ELF4: variants seen among roughly 807,000 people sequenced by gnomAD.
ELF4 encodes the protein ETS-related transcription factor Elf-4.
In ELF4, 10 loss-of-function variants were observed where a neutral mutation model predicts 31.7. That is an observed-to-expected ratio of 0.32 (90% CI 0.19 to 0.54). The LOEUF is 0.54. Ranked by LOEUF, ELF4 falls within the 20% of genes least tolerant of loss-of-function variation. The pLI, the probability that ELF4 is intolerant of heterozygous loss-of-function variation, is 0.95. For synonymous variants in ELF4, 208 were observed against 226.7 expected (o/e 0.92, Z 0.74); for missense variants, 418 against 522.0 (o/e 0.80, Z 1.94).
chrX:130,065,952 C>G lies in ELF4; in HGVS notation c.*769G>C, dbSNP rs145905263. The G allele has an allele frequency of 6.3e-3, 1,098 of 173,531 alleles. 13 individuals are homozygous for G. The highest frequency in any genetic ancestry group is 0.03 in the African/African-American group (1,012 of 33,910). 14.3% of individuals were successfully genotyped at this position (173,531 alleles called of 1,213,427 possible). ...TCCAGGAAGAGTACCTTGGTCCAGC[C>G]AGTGAGGGCTGCTCCCAGAGCTGAC... is the stretch of plus-strand genomic sequence containing the variant. On this transcript the variant is annotated 3_prime_UTR_variant, in exon 9 of 9. Transcript: ENST00000308167.
chrX:130,087,116 C>T (rs1932973591), intron 1 of ELF4, among the ~76,000 whole-genome samples: 1 of 112,904 alleles, frequency 8.9e-6, no homozygotes. Context: ...CAAAAGAGCA[C>T]CCCCTGGAAG....
intron 1 of ELF4, among the ~76,000 whole-genome samples, chrX:130,094,459 C>A (rs1396834074): frequency 1.9e-5 from 2 of 107,712 alleles, no homozygotes; most frequent in African/African-American, 6.8e-5. Flanking sequence ...CCCAGCTACT[C>A]GGGAGGCTAA....
intron 1 of ELF4, among the ~76,000 whole-genome samples, chrX:130,102,957 AGGG>A (rs1460709547): frequency 6.4e-5 from 3 of 47,027 alleles, no homozygotes; most frequent in African/African-American, 4.1e-4. Context: ...GAAGGAAGGG[AGGG>A]AGGAAGGAAG....
At chrX:130,105,318 C>T (rs145302904) in intron 1 of ELF4, among the ~76,000 whole-genome samples, 104 of 111,961 alleles carry the variant, frequency 9.3e-4, no homozygotes, top group African/African-American at 3.1e-3. Flanking sequence ...CTTCCCTGCT[C>T]CCTGACCCTC....
intron 1 of ELF4, among the ~76,000 whole-genome samples, chrX:130,082,443 C>G (rs1005566343): frequency 4.5e-5 from 5 of 112,169 alleles, no homozygotes; most frequent in African/African-American, 1.6e-4. Flanking sequence ...ACCCTGGGAA[C>G]TGGTGAGGAG....
chrX:130,066,573 C>A lies in ELF4; in HGVS notation c.*148G>T. 1.6e-6 allele frequency: 1 copy of A among 610,268 alleles called. No individual in the cohort carries two copies. The highest frequency in any genetic ancestry group is 2.7e-6 in the Non-Finnish European group (1 of 375,437). 50.3% of individuals were successfully genotyped at this position (610,268 alleles called of 1,213,427 possible). A position where few individuals can be genotyped will look rare whatever the true frequency, so the allele number is the denominator to read the frequency against. ...GCTTAAGCTGGGCACTGTTTGGCCA[C>A]AGTGACACCAGGCAGGGCCGGGGGA... On this transcript the variant is annotated 3_prime_UTR_variant, in exon 9 of 9. Coordinates refer to ENST00000308167, the MANE Select transcript of ELF4 (RefSeq NM_001421.4).
intron 2 of ELF4, among the ~76,000 whole-genome samples, chrX:130,079,506 G>C (rs891505695): frequency 1.8e-5 from 2 of 111,537 alleles, no homozygotes; most frequent in African/African-American, 3.3e-5. Context: ...GGAAGTGATG[G>C]ATGGTTTGAG....
intron 1 of ELF4, among the ~76,000 whole-genome samples, chrX:130,083,832 C>T (rs3838193): frequency 2.9e-5 from 3 of 103,231 alleles, no homozygotes; most frequent in African/African-American, 1.1e-4. Context: ...GGATGGATGG[C>T]TGGATGGATG....
chrX:130,071,561 C>T (rs777240185), intron 5 of ELF4, 142 bp from the exon 6 acceptor site: 11 of 560,987 alleles, frequency 2.0e-5, no homozygotes, highest in African/African-American at 2.3e-5. Flanking sequence ...CAGCCACAGC[C>T]CTCAGGCCTT....
intron 8 of ELF4, among the ~76,000 whole-genome samples, chrX:130,067,793 C>T (rs1254093778): frequency 1.8e-5 from 2 of 110,470 alleles, no homozygotes; most frequent in Non-Finnish European, 3.8e-5. Context: ...AGGTGTGTGC[C>T]ACCACACCCA....
intron 1 of ELF4, among the ~76,000 whole-genome samples, chrX:130,093,343 G>A (rs1206694158): frequency 9.0e-6 from 1 of 111,082 alleles, no homozygotes; most frequent in Non-Finnish European, 1.9e-5. Flanking sequence ...AAGTGGATCC[G>A]TGTGGTTTAA....
intron 1 of ELF4, among the ~76,000 whole-genome samples, chrX:130,095,730 G>A (rs1344643250): frequency 8.9e-6 from 1 of 111,933 alleles, no homozygotes; most frequent in African/African-American, 3.3e-5. Context: ...TGTGGAGGCC[G>A]ACTCTTCCTA....
At chrX:130,094,077 CA>C (rs1037152357) in intron 1 of ELF4, among the ~76,000 whole-genome samples, 6 of 111,043 alleles carry the variant, frequency 5.4e-5, no homozygotes, top group Admixed American at 9.6e-5. Flanking sequence ...ACTAAAAATA[CA>C]AAAATTGGCC....
intron 1 of ELF4, among the ~76,000 whole-genome samples, chrX:130,094,452 A>G (rs1933114968): frequency 9.3e-6 from 1 of 107,508 alleles, no homozygotes; most frequent in African/African-American, 3.4e-5. Context: ...CTATAATCCC[A>G]GCTACTCGGG....
In ELF4 at chrX:130,072,317, C is replaced by T. The variant is rs369645851; in HGVS notation, c.441G>A (p.Ala147=). 54 of 1,211,033 alleles carry T rather than the reference C, an allele frequency of 4.5e-5. No individual in the cohort carries two copies. Among genetic ancestry groups the T allele is most frequent in the African/African-American group, 3.1e-4 (18 of 57,464 alleles). Residue 147 remains alanine, a synonymous_variant, in exon 5 of 9, where the codon GCG becomes GCA. Transcript: ENST00000308167. ...PASEPDALNR[A]GDTSDQEGHS... ...GCCCCTCCTGGTCACTAGTGTCACC[C>T]GCCCTGTTCAGGGCATCGGGCTCAG...
chrX:130,072,175 G>GC, intron 5 of ELF4, 51 bp downstream of exon 5: 141 of 598,113 alleles, frequency 2.4e-4, no homozygotes, highest in Non-Finnish European at 3.4e-4. Flanking sequence ...GCCCCCCCAC[G>GC]CCCCGCCCAT....
intron 1 of ELF4, among the ~76,000 whole-genome samples, chrX:130,092,418 A>G (rs768955036): frequency 8.9e-6 from 1 of 112,507 alleles, no homozygotes; most frequent in East Asian, 2.8e-4. Context: ...GGCTGAGGAG[A>G]CAGCTGTCTA....
chrX:130,102,874 GAGAGAGAGAGAGAAAGAAAGAAAGAA>G (rs1933292537), intron 1 of ELF4, among the ~76,000 whole-genome samples: 3 of 78,439 alleles, frequency 3.8e-5, no homozygotes, highest in African/African-American at 5.7e-5. Flanking sequence ...GAGAGAGAGA[GAGAGAGAGAGAGAAAGAAAGAAAGAA>G]AGAAAGAAAG....
chrX:130,090,569 C>G (rs994878666), intron 1 of ELF4, among the ~76,000 whole-genome samples: 2 of 110,834 alleles, frequency 1.8e-5, no homozygotes, highest in African/African-American at 6.6e-5. Flanking sequence ...AGATCTGAAG[C>G]AAATGTCACC....
Sources: allele counts gnomAD v4.1 joint callset (sites outside exome capture counted in the v4.1 genomes callset), GRCh38; gene constraint gnomAD v4.1.1; transcripts MANE v1.5; gene names NCBI Gene and HGNC (gene_info 2026-07-23, HGNC 2026-07-21).